Variants in TPST2 observed in about 807,000 individuals in gnomAD.
The protein encoded by TPST2 is tyrosylprotein sulfotransferase 2.
A neutral mutation model predicts 27.8 loss-of-function variants in TPST2; 16 were observed. That is an observed-to-expected ratio of 0.58 (90% CI 0.39 to 0.88). The LOEUF is 0.88. TPST2 is among the 40% of genes least tolerant of loss of function. The pLI is 0.00. For synonymous variants in TPST2, 229 were observed against 231.7 expected, an observed-to-expected ratio of 0.99 and a Z score of 0.10; for missense variants, 464 against 543.1, an observed-to-expected ratio of 0.85 and a Z score of 1.45.
chr22:26,573,017 C>G (rs1231502380), intron 1 of TPST2, among the ~76,000 whole-genome samples: 1 of 152,152 alleles, frequency 6.6e-6, no homozygotes, highest in Non-Finnish European at 1.5e-5. Flanking sequence ...TTTTTCTCAT[C>G]TGTGAATCGG....
intron 1 of TPST2, among the ~76,000 whole-genome samples, chr22:26,575,291 C>T (rs1389171925): frequency 6.6e-6 from 1 of 152,198 alleles, no homozygotes; most frequent in African/African-American, 2.4e-5. Flanking sequence ...GACTTTGACA[C>T]CGAATGCCTT....
rs1330504790 is a variant in TPST2 at position 26,541,714 on chromosome 22, C to T, written c.-84G>A. 3 of 1,468,590 alleles carry T rather than the reference C, an allele frequency of 2.0e-6. No homozygotes were observed. Among genetic ancestry groups the T allele is most frequent in the Non-Finnish European group, 2.7e-6 (3 of 1,116,826 alleles). 91.0% of individuals were successfully genotyped at this position (1,468,590 alleles called of 1,614,324 possible). ...AGGTTAGCGGGCAGCCCGCCAGGCT[C>T]ACATCTGGGGAGAGAGGGGGACATG... On this transcript the variant is annotated 5_prime_UTR_variant, in exon 3 of 7. An upstream open reading frame in the 5' UTR loses its in-frame stop. Transcript: ENST00000338754. The surrounding 1 kb of genome is among the most constrained non-coding windows in gnomAD (Gnocchi z 5.9).
At chr22:26,575,438 C>G (rs1265909300) in intron 1 of TPST2, among the ~76,000 whole-genome samples, 4 of 150,622 alleles carry the variant, frequency 2.7e-5, no homozygotes, top group Admixed American at 2.6e-4. Context: ...TGCAAGACCA[C>G]GCACAGAACA....
chr22:26,555,404 G>A (rs185307887), intron 1 of TPST2: 64 of 367,216 alleles, frequency 1.7e-4, no homozygotes, highest in African/African-American at 1.3e-3. Context: ...AGACCCAGGC[G>A]ATCTTGGTGT....
intron 1 of TPST2, chr22:26,560,949 C>A (rs1927056436): frequency 6.2e-7 from 1 of 1,609,856 alleles, no homozygotes; most frequent in East Asian, 2.2e-5. Context: ...AGATGACAAG[C>A]AGCCTTATGA....
intron 5 of TPST2, among the ~76,000 whole-genome samples, chr22:26,532,443 G>A (rs535178227): frequency 1.3e-5 from 2 of 152,146 alleles, no homozygotes; most frequent in Non-Finnish European, 2.9e-5. Context: ...ACTACGCCCG[G>A]ATAATTTTTG....
At chr22:26,559,687 ACT>A (rs1926983597) in intron 1 of TPST2, among the ~76,000 whole-genome samples, 1 of 151,912 alleles carries the variant, frequency 6.6e-6, no homozygotes, top group African/African-American at 2.4e-5. Flanking sequence ...CACTTAGCAC[ACT>A]CTGTTCAAGG....
intron 3 of TPST2, among the ~76,000 whole-genome samples, chr22:26,538,462 C>T (rs1406388969): frequency 6.6e-6 from 1 of 152,200 alleles, no homozygotes; most frequent in Non-Finnish European, 1.5e-5. Flanking sequence ...ACCGAAGTGT[C>T]CAACAATAGG....
intron 1 of TPST2, among the ~76,000 whole-genome samples, chr22:26,576,295 AAAGT>A (rs71311580): frequency 0.21 from 31,961 of 151,966 alleles, 3,626 homozygotes; most frequent in Non-Finnish European, 0.24. Context: ...CTGGACTTTG[AAAGT>A]AACATTCCTG....
intron 1 of TPST2, among the ~76,000 whole-genome samples, chr22:26,588,226 G>A (rs1055974747): frequency 5.3e-5 from 8 of 149,874 alleles, no homozygotes; most frequent in African/African-American, 1.7e-4. Context: ...ATGAAGTACT[G>A]ATACAGGCTG....
chr22:26,536,517 G>A lies in TPST2; in HGVS notation c.843-31C>T, dbSNP rs752312615. On this transcript the variant is annotated intron_variant, in intron 3 of 6. Coordinates refer to ENST00000338754, the MANE Select transcript of TPST2 (RefSeq NM_003595.5). ...GAGAGAGGAGACGCTGGAGAGGGTAGGGCAGACCCAGATGGCGCCTGAGCG... is the reference window on the plus strand; with the variant it reads ...GAGAGAGGAGACGCTGGAGAGGGTAAGGCAGACCCAGATGGCGCCTGAGCG... 17 of 1,473,122 alleles carry A rather than the reference G, an allele frequency of 1.2e-5. 1 individual carries two copies. In the South Asian group the frequency reaches 1.8e-4, roughly 16 times the overall value. The allele number at this position is 1,473,122 out of a possible 1,614,324, so 91.3% of individuals were successfully genotyped here.
At chr22:26,561,798 T>C (rs1003123257) in intron 1 of TPST2, among the ~76,000 whole-genome samples, 2 of 152,260 alleles carry the variant, frequency 1.3e-5, no homozygotes, top group African/African-American at 4.8e-5. Context: ...GCTTAGGTAC[T>C]AGGGAGCCAT....
At chr22:26,567,859 C>T (rs1927439187) in intron 1 of TPST2, among the ~76,000 whole-genome samples, 1 of 152,156 alleles carries the variant, frequency 6.6e-6, no homozygotes, top group Admixed American at 6.5e-5. Flanking sequence ...ATTTAAAGTA[C>T]ATTGTGGGAT....
At position 26,522,946 on chromosome 22, in the gene TPST2, A is replaced by C. The variant is rs1263167542; in HGVS notation, c.*3329T>G. The C allele has an allele frequency of 6.6e-6, 1 of 152,384 alleles. No individual in the cohort carries two copies. Among genetic ancestry groups the C allele is most frequent in the Non-Finnish European group, 1.5e-5 (1 of 68,156 alleles). The allele number at this position is 152,384 out of a possible 1,614,324, so 9.4% of individuals were successfully genotyped here. A position where few individuals can be genotyped will look rare whatever the true frequency, so the allele number is the denominator to read the frequency against. On this transcript the variant is annotated 3_prime_UTR_variant, in exon 7 of 7. Transcript: ENST00000338754. The stretch of plus-strand genomic sequence containing the variant: ...AAAAGTTAGGTAGGTGTCATGGTCC[A>C]GCTACTCAGGAGGCTGAGGTGAAAG...
chr22:26,551,029 C>T (rs1189956871), intron 1 of TPST2, among the ~76,000 whole-genome samples: 4 of 152,236 alleles, frequency 2.6e-5, no homozygotes, highest in Non-Finnish European at 4.4e-5. Context: ...CATGGTGGCT[C>T]ATGCCTATAA....
intron 1 of TPST2, among the ~76,000 whole-genome samples, chr22:26,562,629 CTT>C (rs201599919): frequency 9.2e-6 from 1 of 108,282 alleles, no homozygotes. Flanking sequence ...CTTTTCTTTT[CTT>C]TTTTTTTTTT....
intron 1 of TPST2, among the ~76,000 whole-genome samples, chr22:26,557,351 C>T (rs1252872945): frequency 2.0e-5 from 3 of 152,190 alleles, no homozygotes; most frequent in Admixed American, 1.3e-4. Flanking sequence ...ACTCTCTGGG[C>T]CTGAGTTTCC....
intron 1 of TPST2, among the ~76,000 whole-genome samples, chr22:26,559,250 C>T (rs1436872671): frequency 6.6e-6 from 1 of 152,226 alleles, no homozygotes; most frequent in Admixed American, 6.5e-5. Flanking sequence ...CCTGTAATCC[C>T]AGCTGCTCAA....
At chr22:26,534,331 A>T (rs1447710107) in intron 4 of TPST2, among the ~76,000 whole-genome samples, 2 of 152,222 alleles carry the variant, frequency 1.3e-5, no homozygotes, top group Non-Finnish European at 2.9e-5. Context: ...TTGCAGTAAC[A>T]GCCAAGCTAT....
Sources: allele counts gnomAD v4.1 joint callset (sites outside exome capture counted in the v4.1 genomes callset), GRCh38; gene constraint gnomAD v4.1.1; non-coding constraint Gnocchi (gnomAD v3.1); transcripts MANE v1.5; gene names NCBI Gene and HGNC (gene_info 2026-07-23, HGNC 2026-07-21).